The following NFASC variants were observed in gnomAD, a reference collection of about 807,000 sequenced individuals.
NFASC encodes the protein neurofascin.
A neutral mutation model predicts 147.5 loss-of-function variants in NFASC; 43 were observed. The observed-to-expected ratio is 0.29, with a 90% CI of 0.23 to 0.38. The LOEUF is 0.38. NFASC is among the 10% of genes least tolerant of loss of function. NFASC has a pLI of 1.00. For missense variants in NFASC, 1,320 were observed against 1,689.0 expected (o/e 0.78, Z 3.83); for synonymous variants, 622 against 665.5 (o/e 0.93, Z 1.01).
intron 1 of NFASC, among the ~76,000 whole-genome samples, chr1:204,900,859 T>C (rs2084416682): frequency 6.6e-6 from 1 of 151,666 alleles, no homozygotes; most frequent in African/African-American, 2.4e-5. Context: ...TTTTTCAAAG[T>C]GGAAATGGGG....
At chr1:204,863,243 C>T (rs1244554179) in intron 1 of NFASC, among the ~76,000 whole-genome samples, 1 of 152,208 alleles carries the variant, frequency 6.6e-6, no homozygotes, top group Admixed American at 6.5e-5. Flanking sequence ...CAGTAACTCA[C>T]TCCGGAGTTT....
chr1:204,942,203 G>C (rs568359054), intron 2 of NFASC, among the ~76,000 whole-genome samples: 20 of 152,330 alleles, frequency 1.3e-4, no homozygotes, highest in African/African-American at 4.8e-4. Context: ...CATAATGGGG[G>C]AAGTAAAGGG....
intron 8 of NFASC, among the ~76,000 whole-genome samples, chr1:204,959,694 T>C (rs881399): frequency 0.77 from 117,673 of 152,200 alleles, 46,387 homozygotes; most frequent in Non-Finnish European, 0.85. Flanking sequence ...TGACCTTCTG[T>C]CATCCTGGGC....
chr1:204,920,714 A>C lies in NFASC; in HGVS notation c.-117A>C. ...GAACAGAGCCTCCTCTGGTGTTGCAAGGAAGAGGCTGAATGAGGCAGAGAA... is the reference window on the plus strand; with the variant it reads ...GAACAGAGCCTCCTCTGGTGTTGCACGGAAGAGGCTGAATGAGGCAGAGAA... On this transcript the variant is annotated 5_prime_UTR_variant, in exon 2 of 30. Transcript: ENST00000339876. 1.2e-5 allele frequency: 15 copies of C among 1,289,358 alleles called. No individual in the cohort carries two copies. The highest frequency in any genetic ancestry group is 1.3e-5 in the Non-Finnish European group (13 of 988,548). The allele number at this position is 1,289,358 out of a possible 1,614,324, so 79.9% of individuals were successfully genotyped here.
chr1:204,959,731 G>C (rs2094580899), intron 8 of NFASC, among the ~76,000 whole-genome samples: 1 of 152,246 alleles, frequency 6.6e-6, no homozygotes, highest in Non-Finnish European at 1.5e-5. Flanking sequence ...ACACAGAGTA[G>C]AGCAGAGGCC....
intron 1 of NFASC, among the ~76,000 whole-genome samples, chr1:204,880,887 C>G (rs953620103): frequency 2.0e-5 from 3 of 152,220 alleles, no homozygotes; most frequent in African/African-American, 7.2e-5. Flanking sequence ...ACCTTGCTGA[C>G]TGAGACAGGA....
Position 204,974,904 on chromosome 1 carries a change from A to G in NFASC, c.1558+81A>G, listed in dbSNP as rs553708911. On this transcript the variant is annotated intron_variant, in intron 14 of 29. Transcript: ENST00000339876. ...GCAGTTATCCACATACAATATTCAC[A>G]TTGAAAATGCACCACACCTGTCTTT... The G allele has an allele frequency of 5.3e-5, 75 of 1,426,146 alleles. 1 individual carries two copies. The African/African-American group carries it at 8.0e-4, about 15-fold the overall frequency. The allele number at this position is 1,426,146 out of a possible 1,614,324, so 88.3% of individuals were successfully genotyped here. A position where few individuals can be genotyped will look rare whatever the true frequency, so the allele number is the denominator to read the frequency against.
At chr1:204,883,910 G>A (rs2080813791) in intron 1 of NFASC, among the ~76,000 whole-genome samples, 1 of 152,212 alleles carries the variant, frequency 6.6e-6, no homozygotes, top group South Asian at 2.1e-4. Context: ...GAACCCGGAT[G>A]TCCTGACACC....
intron 1 of NFASC, among the ~76,000 whole-genome samples, chr1:204,830,969 C>T (rs1271147977): frequency 6.6e-6 from 1 of 152,198 alleles, no homozygotes; most frequent in African/African-American, 2.4e-5. Context: ...CTGGCTGCAC[C>T]TTGCTTTGTC....
At position 204,986,211 on chromosome 1, in the gene NFASC, C is replaced by A; in HGVS notation, c.2471-1207C>A. 1 of 878,842 alleles carries A rather than the reference C, an allele frequency of 1.1e-6. No homozygotes were observed. Among genetic ancestry groups the A allele is most frequent in the Non-Finnish European group, 1.8e-6 (1 of 541,986 alleles). 54.4% of individuals were successfully genotyped at this position (878,842 alleles called of 1,614,324 possible). On this transcript the variant is annotated intron_variant, in intron 21 of 29. Coordinates refer to ENST00000339876, the MANE Select transcript of NFASC (RefSeq NM_001005388.3). This position sits in a 1 kb window ranked among gnomAD's most constrained non-coding sequence, Gnocchi z 4.2. ...CCAGCGTGGCTCAGCATGGATGGCA[C>A]AAGGTGACTTCTGCGAGGCCTCCAG...
chr1:204,980,480 G>T (rs201623004), intron 20 of NFASC, 40 bp downstream of exon 20: 1 of 1,490,922 alleles, frequency 6.7e-7, no homozygotes, highest in African/African-American at 1.4e-5. Flanking sequence ...AGCTCACCTT[G>T]CCGCATGCAC....
chr1:204,947,546 C>T (rs1386883751), intron 3 of NFASC, among the ~76,000 whole-genome samples: 5 of 152,346 alleles, frequency 3.3e-5, no homozygotes, highest in East Asian at 1.9e-4. Flanking sequence ...CACAATCCCT[C>T]ATTGAAGGCC....
chr1:204,854,681 T>C (rs899336532), intron 1 of NFASC, among the ~76,000 whole-genome samples: 4 of 152,244 alleles, frequency 2.6e-5, no homozygotes, highest in Admixed American at 2.0e-4. Context: ...TAGCACTGAC[T>C]TGGGGGACTT....
chr1:204,847,648 G>A (rs1156313223), intron 1 of NFASC, among the ~76,000 whole-genome samples: 1 of 152,204 alleles, frequency 6.6e-6, no homozygotes, highest in African/African-American at 2.4e-5. Context: ...GGGGGTTGCA[G>A]AGGACGTGAC....
chr1:204,987,831 T>C lies in NFASC; in HGVS notation c.2593+291T>C, dbSNP rs1378917076. Among the ~76,000 whole-genome samples the C allele has an allele frequency of 6.6e-6, 1 of 152,210 alleles. No individual in the cohort carries two copies. Among genetic ancestry groups the C allele is most frequent in the East Asian group, 1.9e-4 (1 of 5,200 alleles). ...ATGCCTTTAGGGATCTTTTGTAGTC[T>C]CCAACACGTACAGAGTCTAGGAGAG... On this transcript the variant is annotated intron_variant, in intron 22 of 29. Transcript: ENST00000339876. The surrounding 1 kb of genome is among the most constrained non-coding windows in gnomAD (Gnocchi z 4.4).
intron 3 of NFASC, chr1:204,946,862 C>T (rs1434812380): frequency 1.5e-5 from 7 of 469,934 alleles, no homozygotes; most frequent in Non-Finnish European, 2.6e-5. Context: ...CGAGGCCAGC[C>T]GCCCTGGACC....
intron 24 of NFASC, among the ~76,000 whole-genome samples, chr1:204,996,662 G>A (rs983938773): frequency 1.3e-5 from 2 of 152,202 alleles, no homozygotes; most frequent in African/African-American, 2.4e-5. Context: ...GGCTCATGCA[G>A]GCATGACAAA....
At chr1:204,857,919 CT>C (rs58996261) in intron 1 of NFASC, among the ~76,000 whole-genome samples, 214 of 122,528 alleles carry the variant, frequency 1.7e-3, no homozygotes, top group Admixed American at 1.8e-3. Context: ...TCTTCTTCTT[CT>C]TTTTTTTTTT....
intron 1 of NFASC, among the ~76,000 whole-genome samples, chr1:204,875,737 A>C (rs1270449306): frequency 6.6e-6 from 1 of 152,126 alleles, no homozygotes; most frequent in Non-Finnish European, 1.5e-5. Flanking sequence ...TGACATGGTA[A>C]TGGCCCTAAG....
Sources: allele counts gnomAD v4.1 joint callset (sites outside exome capture counted in the v4.1 genomes callset), GRCh38; gene constraint gnomAD v4.1.1; non-coding constraint Gnocchi (gnomAD v3.1); transcripts MANE v1.5; gene names NCBI Gene and HGNC (gene_info 2026-07-23, HGNC 2026-07-21).